Variants in PRKCE observed in about 807,000 individuals in gnomAD.
PRKCE encodes protein kinase C epsilon type.
Under a neutral mutation model 85.4 loss-of-function variants are expected in PRKCE, and 16 were observed. The observed-to-expected ratio is 0.19, with a 90% confidence interval of 0.13 to 0.28. The LOEUF is 0.28. Among genes scored for constraint, PRKCE ranks in the 10% least tolerant of loss-of-function variants. The pLI, the probability that PRKCE is intolerant of heterozygous loss-of-function variation, is 1.00. For missense variants in PRKCE, 573 were observed against 975.2 expected, an observed-to-expected ratio of 0.59 and a Z score of 5.49; for synonymous variants, 388 against 371.5, an observed-to-expected ratio of 1.04 and a Z score of -0.51.
At chr2:45,948,965 G>A (rs746689182) in intron 2 of PRKCE, among the ~76,000 whole-genome samples, 7 of 151,988 alleles carry the variant, frequency 4.6e-5, no homozygotes, top group African/African-American at 1.5e-4. Flanking sequence ...GCTATTCCTC[G>A]AATGACAATA....
chr2:45,827,874 G>C (rs1690076942), intron 1 of PRKCE, among the ~76,000 whole-genome samples: 1 of 152,128 alleles, frequency 6.6e-6, no homozygotes, highest in Non-Finnish European at 1.5e-5. Flanking sequence ...AATAAATTCT[G>C]TTTTACTTTA....
At chr2:45,754,440 G>T (rs1683838040) in intron 1 of PRKCE, among the ~76,000 whole-genome samples, 1 of 152,164 alleles carries the variant, frequency 6.6e-6, no homozygotes, top group South Asian at 2.1e-4. Context: ...AGTGTTTGGG[G>T]TATGCACTTT....
At chr2:46,071,667 T>A (rs1381328920) in intron 10 of PRKCE, among the ~76,000 whole-genome samples, 2 of 152,220 alleles carry the variant, frequency 1.3e-5, no homozygotes, top group African/African-American at 4.8e-5. Context: ...AGTCAAATCA[T>A]GAACTGTTTC....
chr2:46,047,991 AAG>A (rs1218620029), intron 10 of PRKCE, among the ~76,000 whole-genome samples: 1 of 152,196 alleles, frequency 6.6e-6, no homozygotes, highest in Non-Finnish European at 1.5e-5. Flanking sequence ...TGAAAATTGG[AAG>A]ACTAACTCAC....
At chr2:45,827,282 T>TA (rs934381261) in intron 1 of PRKCE, among the ~76,000 whole-genome samples, 1 of 152,256 alleles carries the variant, frequency 6.6e-6, no homozygotes, top group African/African-American at 2.4e-5. Flanking sequence ...ATACAATTCT[T>TA]ACGTGTGTTT....
At chr2:45,696,100 C>T (rs1372860867) in intron 1 of PRKCE, among the ~76,000 whole-genome samples, 1 of 112,874 alleles carries the variant, frequency 8.9e-6, no homozygotes, top group Admixed American at 1.1e-4. Flanking sequence ...CCCCCCACCC[C>T]ACAACAGTCC....
intron 1 of PRKCE, among the ~76,000 whole-genome samples, chr2:45,679,709 C>T (rs1676739862): frequency 6.6e-6 from 1 of 152,126 alleles, no homozygotes; most frequent in African/African-American, 2.4e-5. Flanking sequence ...CTGATGTCCA[C>T]CAAGAACAGG....
intron 2 of PRKCE, among the ~76,000 whole-genome samples, chr2:45,957,332 G>GGACATTCAA (rs1301170788): frequency 1.2e-4 from 19 of 152,126 alleles, no homozygotes; most frequent in African/African-American, 4.6e-4. Context: ...TTTTATGCAT[G>GGACATTCAA]GACATTCAAT....
chr2:45,865,074 A>G (rs1335082245), intron 2 of PRKCE, among the ~76,000 whole-genome samples: 2 of 152,236 alleles, frequency 1.3e-5, no homozygotes, highest in African/African-American at 2.4e-5. Context: ...TTTATTGTCC[A>G]TATAAGTTAC....
chr2:45,793,352 A>G (rs749526012), intron 1 of PRKCE, among the ~76,000 whole-genome samples: 6 of 151,860 alleles, frequency 4.0e-5, no homozygotes, highest in Non-Finnish European at 8.8e-5. Context: ...TGTGTGTTCC[A>G]TGTTTGGTTA....
intron 9 of PRKCE, among the ~76,000 whole-genome samples, chr2:46,008,967 CA>C (rs1401324552): frequency 1.3e-5 from 2 of 152,192 alleles, no homozygotes; most frequent in African/African-American, 4.8e-5. Context: ...TTCAGGTTAA[CA>C]TCATGAATTC....
intron 2 of PRKCE, among the ~76,000 whole-genome samples, chr2:45,885,073 T>C (rs1454849901): frequency 6.7e-6 from 1 of 149,596 alleles, no homozygotes; most frequent in Non-Finnish European, 1.5e-5. Context: ...TTTTGATTAC[T>C]AGAAACAATG....
chr2:45,742,977 G>C (rs1682703359), intron 1 of PRKCE, among the ~76,000 whole-genome samples: 1 of 152,192 alleles, frequency 6.6e-6, no homozygotes, highest in African/African-American at 2.4e-5. Flanking sequence ...CAACAACATG[G>C]CTGAACCCTG....
chr2:45,947,968 G>A (rs1335057402), intron 2 of PRKCE, among the ~76,000 whole-genome samples: 1 of 152,226 alleles, frequency 6.6e-6, no homozygotes, highest in African/African-American at 2.4e-5. Flanking sequence ...CCGCAGTGTT[G>A]TTTTTGTACA....
chr2:45,970,997 T>C (rs778167977), intron 2 of PRKCE, among the ~76,000 whole-genome samples: 17 of 152,012 alleles, frequency 1.1e-4, no homozygotes, highest in Non-Finnish European at 2.2e-4. Flanking sequence ...ACTATGAGAG[T>C]TGCATTTTAT....
At chr2:46,078,877 T>C (rs903363709) in intron 10 of PRKCE, 10 of 152,192 alleles carry the variant, frequency 6.6e-5, no homozygotes, top group African/African-American at 2.2e-4. Context: ...AGTTGTACTA[T>C]AGAAAATATA....
At chr2:45,764,571 G>A (rs1684762990) in intron 1 of PRKCE, among the ~76,000 whole-genome samples, 1 of 152,134 alleles carries the variant, frequency 6.6e-6, no homozygotes, top group African/African-American at 2.4e-5. Flanking sequence ...AACCAGACAG[G>A]GCAATTCAGA....
At chr2:45,705,262 A>G (rs2104295647) in intron 1 of PRKCE, among the ~76,000 whole-genome samples, 1 of 152,338 alleles carries the variant, frequency 6.6e-6, no homozygotes. Context: ...TTAGGACACA[A>G]TTTTATGTGG....
chr2:45,688,853 G>A (rs1327703174), intron 1 of PRKCE, among the ~76,000 whole-genome samples: 1 of 152,206 alleles, frequency 6.6e-6, no homozygotes, highest in African/African-American at 2.4e-5. Flanking sequence ...GGATCAATGT[G>A]CATTAGCCAG....
Sources: gnomAD v4.1 joint callset for allele counts (sites outside exome capture counted in the v4.1 genomes callset) on GRCh38, gnomAD v4.1.1 for gene constraint, MANE v1.5 for transcripts, NCBI Gene and HGNC (gene_info 2026-07-23, HGNC 2026-07-21) for gene names.